The following PLCB1 variants were observed in gnomAD, a reference collection of about 807,000 sequenced individuals.
PLCB1 encodes the protein 1-phosphatidylinositol 4,5-bisphosphate phosphodiesterase beta-1.
PLCB1 carries 46 observed loss-of-function variants against 161.8 expected under a neutral mutation model. The ratio of observed to expected loss-of-function variants is 0.28; its 90% CI spans 0.22 to 0.36. The LOEUF (loss-of-function observed/expected upper bound fraction) is 0.36, where lower values mean the gene tolerates loss of function less well. PLCB1 is among the 10% of genes least tolerant of loss of function. The pLI, the probability that PLCB1 is intolerant of heterozygous loss-of-function variation, is 1.00. For synonymous variants in PLCB1, 517 were observed against 503.7 expected (o/e 1.03, Z -0.35); for missense variants, 1,016 against 1,472.5 (o/e 0.69, Z 5.07).
rs545584943 is a variant in PLCB1 at position 8,409,526 on chromosome 20, G to C, written c.246+38076G>C. On this transcript the variant is annotated intron_variant, in intron 3 of 31. Coordinates refer to ENST00000338037, the MANE Select transcript of PLCB1 (RefSeq NM_015192.4). Reference sequence around the variant, plus strand: ...GGCTCAGGCTGAAGTGCAATGGCATGGTCTTGGCTCACTGCAACCTCTGCC... The same window carrying C: ...GGCTCAGGCTGAAGTGCAATGGCATCGTCTTGGCTCACTGCAACCTCTGCC... 4.0e-5 allele frequency among the ~76,000 whole-genome samples: 6 copies of C among 151,844 alleles called. No homozygotes were observed. The East Asian group carries it at 1.2e-3, about 29-fold the overall frequency.
intron 9 of PLCB1, among the ~76,000 whole-genome samples, chr20:8,665,950 T>G (rs1989800551): frequency 6.6e-6 from 1 of 152,182 alleles, no homozygotes; most frequent in African/African-American, 2.4e-5. Flanking sequence ...ACCTGTGCTA[T>G]TCCCATGTCC....
At chr20:8,398,441 C>T (rs1273764315) in intron 3 of PLCB1, among the ~76,000 whole-genome samples, 1 of 151,998 alleles carries the variant, frequency 6.6e-6, no homozygotes, top group African/African-American at 2.4e-5. Context: ...AAAAACATTA[C>T]CCACAGTTCT....
chr20:8,281,292 A>G (rs1211431843), intron 2 of PLCB1, among the ~76,000 whole-genome samples: 3 of 152,152 alleles, frequency 2.0e-5, no homozygotes, highest in Non-Finnish European at 4.4e-5. Flanking sequence ...AAGATTTCTT[A>G]TTAGTGTAAA....
At chr20:8,620,744 C>A (rs1427840000) in intron 3 of PLCB1, among the ~76,000 whole-genome samples, 9 of 106,240 alleles carry the variant, frequency 8.5e-5, no homozygotes, top group South Asian at 3.3e-4. Context: ...CCCCTGCCCC[C>A]ACCAAAAAAA....
intron 31 of PLCB1, among the ~76,000 whole-genome samples, chr20:8,873,576 GAATA>G (rs1987678821): frequency 1.3e-5 from 2 of 151,896 alleles, no homozygotes; most frequent in Admixed American, 6.6e-5. Context: ...GTGAGAAATA[GAATA>G]AATAAAGATA....
intron 3 of PLCB1, among the ~76,000 whole-genome samples, chr20:8,405,825 T>A (rs1324041821): frequency 6.6e-6 from 1 of 152,206 alleles, no homozygotes; most frequent in Admixed American, 6.5e-5. Context: ...TACTTTTTAT[T>A]ATTATCCATG....
At chr20:8,199,068 AC>A (rs1364005636) in intron 2 of PLCB1, among the ~76,000 whole-genome samples, 1 of 152,028 alleles carries the variant, frequency 6.6e-6, no homozygotes, top group African/African-American at 2.4e-5. Context: ...TTATAAATCT[AC>A]AATTTTATTT....
rs558466654 is a variant in PLCB1, at chr20:8,764,992, G to A, written c.2711-147G>A. 12 of 647,254 alleles carry A rather than the reference G, an allele frequency of 1.9e-5. No homozygotes were observed. In the South Asian group the frequency reaches 2.5e-4, roughly 13 times the overall value. The allele number at this position is 647,254 out of a possible 1,614,324, so 40.1% of individuals were successfully genotyped here. On this transcript the variant is annotated intron_variant, in intron 25 of 31. Transcript: ENST00000338037. Reference sequence around the variant, plus strand: ...GTTAGCAAGTGATAGAGCCAGACTGGAACCCAGGTAGAGCTGACATCAAGC... The same window carrying A: ...GTTAGCAAGTGATAGAGCCAGACTGAAACCCAGGTAGAGCTGACATCAAGC...
In PLCB1 at chr20:8,757,157, C is replaced by T. The variant is rs1981780558; in HGVS notation, c.2635C>T (p.Leu879Phe). ...GACACCCAAGCCACCCTCCCAGGCT[C>T]TCCACAGCCAGCCAGCTCCAGGTAA... ...TLTPKPPSQALHSQPAPGSVK... is the reference protein window; with the variant it reads ...TLTPKPPSQAFHSQPAPGSVK... Residue 879 changes from leucine to phenylalanine, a missense_variant, in exon 24 of 32, where the codon CTC (leucine) becomes TTC (phenylalanine). Leu to Phe is a conservative substitution (Grantham distance 22). Transcript: ENST00000338037. 1.9e-6 allele frequency: 3 copies of T among 1,611,772 alleles called. No homozygotes were observed. The Admixed American group carries it at 5.0e-5, about 27-fold the overall frequency.
chr20:8,325,356 C>T (rs1241652176), intron 2 of PLCB1, among the ~76,000 whole-genome samples: 1 of 152,098 alleles, frequency 6.6e-6, no homozygotes, highest in Non-Finnish European at 1.5e-5. Context: ...GTGTGATCAT[C>T]CCAGCGTTTT....
At chr20:8,328,303 C>G (rs1214084745) in intron 2 of PLCB1, among the ~76,000 whole-genome samples, 1 of 151,956 alleles carries the variant, frequency 6.6e-6, no homozygotes, top group African/African-American at 2.4e-5. Flanking sequence ...ATTTGTCTTG[C>G]TGAATGCCTT....
At chr20:8,800,102 TGAA>T (rs1984213105) in intron 31 of PLCB1, among the ~76,000 whole-genome samples, 1 of 152,182 alleles carries the variant, frequency 6.6e-6, no homozygotes, top group Non-Finnish European at 1.5e-5. Flanking sequence ...AGATATTTGA[TGAA>T]GAAGTACTTG....
chr20:8,384,906 C>T (rs1399955185), intron 3 of PLCB1, among the ~76,000 whole-genome samples: 1 of 152,148 alleles, frequency 6.6e-6, no homozygotes, highest in Non-Finnish European at 1.5e-5. Flanking sequence ...CCTGCTCCTT[C>T]TTCTGGCATC....
intron 3 of PLCB1, among the ~76,000 whole-genome samples, chr20:8,599,413 T>C (rs1323292174): frequency 6.8e-6 from 1 of 148,096 alleles, no homozygotes; most frequent in Non-Finnish European, 1.5e-5. Context: ...TCTTTAAGAA[T>C]GTTGAATATT....
chr20:8,453,634 G>A (rs1313451519), intron 3 of PLCB1, among the ~76,000 whole-genome samples: 2 of 152,172 alleles, frequency 1.3e-5, no homozygotes, highest in African/African-American at 4.8e-5. Context: ...AAAGAGTTTG[G>A]TGGCTGGAAG....
At chr20:8,463,754 T>C (rs1012283823) in intron 3 of PLCB1, among the ~76,000 whole-genome samples, 1 of 152,216 alleles carries the variant, frequency 6.6e-6, no homozygotes, top group Non-Finnish European at 1.5e-5. Flanking sequence ...TTTATGATTC[T>C]CTTGAATGAT....
intron 3 of PLCB1, among the ~76,000 whole-genome samples, chr20:8,449,424 G>T (rs746441110): frequency 2.0e-5 from 3 of 152,200 alleles, no homozygotes; most frequent in African/African-American, 7.2e-5. Context: ...TATCGCTAGT[G>T]TCCCGCTTCC....
intron 3 of PLCB1, among the ~76,000 whole-genome samples, chr20:8,410,823 G>A (rs953827759): frequency 6.6e-6 from 1 of 152,154 alleles, no homozygotes; most frequent in Admixed American, 6.5e-5. Context: ...TAAATCCAGT[G>A]ACAAGTGTCC....
chr20:8,347,012 G>A (rs577386914), intron 2 of PLCB1, among the ~76,000 whole-genome samples: 2 of 152,298 alleles, frequency 1.3e-5, no homozygotes, highest in East Asian at 3.9e-4. Flanking sequence ...GAGAAGAAAT[G>A]ACTGCAAACA....
Sources: gnomAD v4.1 joint callset for allele counts (sites outside exome capture counted in the v4.1 genomes callset) on GRCh38, gnomAD v4.1.1 for gene constraint, MANE v1.5 for transcripts, NCBI Gene and HGNC (gene_info 2026-07-23, HGNC 2026-07-21) for gene names.